Variants in ZEB2 observed in about 807,000 individuals in gnomAD.
ZEB2 encodes zinc finger E-box binding homeobox 2, also known as zinc finger E-box-binding homeobox 2.
ZEB2 carries 6 observed loss-of-function variants against 99.9 expected under a neutral mutation model. The ratio of observed to expected loss-of-function variants is 0.06; its 90% CI spans 0.03 to 0.12. The LOEUF (loss-of-function observed/expected upper bound fraction) is 0.12, where lower values mean the gene tolerates loss of function less well. Ranked by LOEUF, ZEB2 falls within the 10% of genes least tolerant of loss-of-function variation. ZEB2 has a pLI of 1.00. For synonymous variants in ZEB2, 517 were observed against 542.5 expected, an observed-to-expected ratio of 0.95 and a Z score of 0.65; for missense variants, 969 against 1,502.8, an observed-to-expected ratio of 0.64 and a Z score of 5.87.
chr2:144,400,761 T>G (rs1028535983), intron 7 of ZEB2, among the ~76,000 whole-genome samples: 1 of 152,240 alleles, frequency 6.6e-6, no homozygotes, highest in Non-Finnish European at 1.5e-5. Context: ...GGTAGGATTC[T>G]GTTCTGTGAT....
At chr2:144,407,244 C>G (rs1464705632) in intron 4 of ZEB2, among the ~76,000 whole-genome samples, 2 of 152,146 alleles carry the variant, frequency 1.3e-5, no homozygotes, top group Admixed American at 6.5e-5. Flanking sequence ...ACAAGAACAA[C>G]GGTCTATTCC....
intron 2 of ZEB2, among the ~76,000 whole-genome samples, chr2:144,498,065 ATTAATATTATATATTATATAATAT>A: frequency 1.3e-5 from 1 of 75,504 alleles, no homozygotes; most frequent in Non-Finnish European, 2.5e-5. Flanking sequence ...TATAATATAT[ATTAATATTATATATTATATAATAT>A]ATATTAATAT....
chr2:144,418,275 A>G (rs1703570398), intron 4 of ZEB2, among the ~76,000 whole-genome samples: 1 of 152,244 alleles, frequency 6.6e-6, no homozygotes, highest in Non-Finnish European at 1.5e-5. Flanking sequence ...AAAATTGGTT[A>G]GTTCTTTCAT....
At chr2:144,419,357 C>G (rs1251317931) in intron 4 of ZEB2, among the ~76,000 whole-genome samples, 1 of 152,216 alleles carries the variant, frequency 6.6e-6, no homozygotes, top group Non-Finnish European at 1.5e-5. Flanking sequence ...TGCCCAGTTT[C>G]TGGATGTAAG....
chr2:144,418,715 A>C (rs78838113), intron 4 of ZEB2, among the ~76,000 whole-genome samples: 2,829 of 152,104 alleles, frequency 0.019, 92 homozygotes, highest in African/African-American at 0.065. Flanking sequence ...ACAAAAAAAA[A>C]AAAAAACTGG....
At chr2:144,415,016 T>A (rs540659911) in intron 4 of ZEB2, among the ~76,000 whole-genome samples, 6 of 151,836 alleles carry the variant, frequency 4.0e-5, no homozygotes, top group South Asian at 4.2e-4. Flanking sequence ...TTTTTTTTTT[T>A]AAATGTCCCC....
At chr2:144,424,482 T>A (rs1293626846) in intron 4 of ZEB2, 2 of 557,896 alleles carry the variant, frequency 3.6e-6, no homozygotes, top group African/African-American at 1.9e-5. Flanking sequence ...TTTAAAATAA[T>A]TTTTTGCAGT....
intron 4 of ZEB2, among the ~76,000 whole-genome samples, chr2:144,420,030 GT>G (rs1238111316): frequency 8.5e-5 from 13 of 152,122 alleles, no homozygotes; most frequent in African/African-American, 2.7e-4. Flanking sequence ...CACAGAGAAT[GT>G]TTTCCCCTAC....
At chr2:144,406,166 A>AT (rs879748649) in intron 4 of ZEB2, among the ~76,000 whole-genome samples, 3,044 of 146,668 alleles carry the variant, frequency 0.021, 38 homozygotes, top group Non-Finnish European at 0.024. Flanking sequence ...AAGCTAGGCA[A>AT]TTTTTTTTTT....
chr2:144,432,834 A>C (rs2149892567), intron 2 of ZEB2, among the ~76,000 whole-genome samples: 1 of 152,298 alleles, frequency 6.6e-6, no homozygotes, highest in Non-Finnish European at 1.5e-5. Flanking sequence ...GTCTCTGCAA[A>C]GAAGAGATTC....
At chr2:144,479,196 C>T (rs1159476806) in intron 2 of ZEB2, among the ~76,000 whole-genome samples, 1 of 152,144 alleles carries the variant, frequency 6.6e-6, no homozygotes, top group Non-Finnish European at 1.5e-5. Context: ...GCTGCATTAC[C>T]ATTCCTGGAA....
At chr2:144,451,158 A>G (rs554564442) in intron 2 of ZEB2, among the ~76,000 whole-genome samples, 2 of 152,370 alleles carry the variant, frequency 1.3e-5, no homozygotes, top group Non-Finnish European at 2.9e-5. Context: ...ACATGAGATC[A>G]TATTTCTGGC....
At position 144,471,365 on chromosome 2, in the gene ZEB2, G is replaced by A. The variant is rs570313035; in HGVS notation, c.74-41339C>T. On this transcript the variant is annotated intron_variant, in intron 2 of 9. Coordinates refer to ENST00000627532, the MANE Select transcript of ZEB2 (RefSeq NM_014795.4). ...CAATGCAACAAAAGGTTGTGTCAGA[G>A]GGCCCTCAATCACAAACCTCCTTCA... is the stretch of plus-strand genomic sequence containing the variant. 9.9e-5 allele frequency among the ~76,000 whole-genome samples: 15 copies of A among 152,142 alleles called. No homozygotes were observed. The East Asian group carries it at 2.3e-3, about 24-fold the overall frequency.
intron 2 of ZEB2, among the ~76,000 whole-genome samples, chr2:144,456,550 G>A (rs999334346): frequency 6.6e-6 from 1 of 151,870 alleles, no homozygotes; most frequent in African/African-American, 2.4e-5. Flanking sequence ...TCACATGGGG[G>A]ACTTCCACAA....
At chr2:144,436,837 CAG>C (rs1214946306) in intron 2 of ZEB2, among the ~76,000 whole-genome samples, 1 of 152,116 alleles carries the variant, frequency 6.6e-6, no homozygotes, top group Non-Finnish European at 1.5e-5. Context: ...ATCCTAAAAA[CAG>C]ATATTGGTCG....
chr2:144,486,754 G>A (rs1255591271), intron 2 of ZEB2, among the ~76,000 whole-genome samples: 1 of 152,174 alleles, frequency 6.6e-6, no homozygotes, highest in Non-Finnish European at 1.5e-5. Flanking sequence ...TTTACAAAGA[G>A]CAGTACCTTT....
rs1395755622 is a variant in ZEB2, at chr2:144,429,974, G to A, written c.126C>T (p.Asp42=). Residue 42 remains aspartate (D), a synonymous_variant, in exon 3 of 10, where the codon GAC becomes GAT. Coordinates refer to ENST00000627532, the MANE Select transcript of ZEB2 (RefSeq NM_014795.4). ...CGTCATCCTCAGCAATATGAAGCTT[G>A]TCTTCCTCATCTGTTTCAGAACCTG... ...VDTGSETDEE[D]KLHIAEDDGI... is the part of the protein sequence containing the mutation. 1.2e-6 allele frequency: 2 copies of A among 1,613,882 alleles called. No homozygotes were observed. Among genetic ancestry groups the A allele is most frequent in the Non-Finnish European group, 1.7e-6 (2 of 1,179,884 alleles).
At chr2:144,437,548 A>G (rs1560624020) in intron 2 of ZEB2, among the ~76,000 whole-genome samples, 1 of 152,206 alleles carries the variant, frequency 6.6e-6, no homozygotes, top group Non-Finnish European at 1.5e-5. Flanking sequence ...GCTCACTATC[A>G]TGCCTGAAGG....
chr2:144,484,527 T>C (rs1704566667), intron 2 of ZEB2, among the ~76,000 whole-genome samples: 1 of 152,204 alleles, frequency 6.6e-6, no homozygotes. Flanking sequence ...GGAAGACACA[T>C]GGCCTAATCA....
Sources: gnomAD v4.1 joint callset for allele counts (sites outside exome capture counted in the v4.1 genomes callset) on GRCh38, gnomAD v4.1.1 for gene constraint, MANE v1.5 for transcripts, NCBI Gene and HGNC (gene_info 2026-07-23, HGNC 2026-07-21) for gene names.